PRKG1: variants seen among roughly 807,000 people sequenced by gnomAD.
The protein encoded by PRKG1 is protein kinase cGMP-dependent 1, also known as cGMP-dependent protein kinase 1.
In PRKG1, 35 loss-of-function variants were observed where a neutral mutation model predicts 88.1. That is an observed-to-expected ratio of 0.40 (90% CI 0.30 to 0.53). The LOEUF is 0.53. Ranked by LOEUF, PRKG1 falls within the 20% of genes least tolerant of loss-of-function variation. The probability of loss-of-function intolerance (pLI) is 0.59; values close to 1 mark genes in which losing one functional copy is unlikely to be tolerated. For synonymous variants in PRKG1, 303 were observed against 292.5 expected (o/e 1.04, Z -0.37); for missense variants, 540 against 839.8 (o/e 0.64, Z 4.41).
chr10:51,200,569 G>A (rs1022162018), intron 2 of PRKG1, among the ~76,000 whole-genome samples: 3 of 152,118 alleles, frequency 2.0e-5, no homozygotes, highest in Non-Finnish European at 4.4e-5. Flanking sequence ...TTGAAGGCAG[G>A]AAACAAGTCT....
chr10:51,449,874 T>A (rs1446139690), intron 2 of PRKG1, among the ~76,000 whole-genome samples: 1 of 151,732 alleles, frequency 6.6e-6, no homozygotes, highest in Non-Finnish European at 1.5e-5. Context: ...ATAGTTAGGA[T>A]TTATGAAAGA....
chr10:51,752,245 G>T lies in PRKG1; in HGVS notation c.593-52340G>T, dbSNP rs1325339054. 3.9e-5 allele frequency among the ~76,000 whole-genome samples: 6 copies of T among 152,026 alleles called. 1 individual carries two copies. Among genetic ancestry groups the T allele is most frequent in the East Asian group, 3.9e-4 (2 of 5,190 alleles). ...CTTGTGTCACTTCTCTTCTATGTTG[G>T]ATCATTATTTGTTGCTTTTCTCATT... On this transcript the variant is annotated intron_variant, in intron 3 of 17. Coordinates refer to ENST00000373980, the MANE Select transcript of PRKG1 (RefSeq NM_006258.4).
In PRKG1 at chr10:51,174,208, AT is replaced by A. The variant is rs990000952; in HGVS notation, c.478+20880del. ...CACTATAAGAATATATATTTTTTCAATTAAGAAAAGAATAAGCCTTTGTTAT... is the reference window on the plus strand; with the variant it reads ...CACTATAAGAATATATATTTTTTCAATAAGAAAAGAATAAGCCTTTGTTAT... On this transcript the variant is annotated intron_variant, in intron 2 of 17. Coordinates refer to ENST00000373980, the MANE Select transcript of PRKG1 (RefSeq NM_006258.4). 4.1e-4 allele frequency among the ~76,000 whole-genome samples: 63 copies of A among 151,920 alleles called. 3 individuals are homozygous for A. The highest frequency in any genetic ancestry group is 1.5e-5 in the Non-Finnish European group (1 of 67,834).
rs112864669 is a variant in PRKG1, at chr10:51,580,870, T to C, written c.592+113034T>C. Among the ~76,000 whole-genome samples, 963 of 151,988 alleles carry C rather than the reference T, an allele frequency of 6.3e-3. 11 individuals are homozygous for C. Among genetic ancestry groups the C allele is most frequent in the African/African-American group, 0.021 (889 of 41,474 alleles). On this transcript the variant is annotated intron_variant, in intron 3 of 17. Coordinates refer to ENST00000373980, the MANE Select transcript of PRKG1 (RefSeq NM_006258.4). ...ATCACCTACTTGACACCAAGCGGGG[T>C]GGTCTCCTACTTCCTTAGTATTTAT...
chr10:51,813,355 A>G (rs1237372116), intron 4 of PRKG1, among the ~76,000 whole-genome samples: 1 of 152,228 alleles, frequency 6.6e-6, no homozygotes, highest in Non-Finnish European at 1.5e-5. Context: ...CCAACCTAAT[A>G]TAATCGTAGG....
chr10:52,278,902 CAAAA>C (rs57491396), intron 12 of PRKG1, among the ~76,000 whole-genome samples: 2 of 86,672 alleles, frequency 2.3e-5, no homozygotes, highest in African/African-American at 4.0e-5. Context: ...GACTCCATCT[CAAAA>C]AAAAAAAAAA....
intron 3 of PRKG1, among the ~76,000 whole-genome samples, chr10:51,767,722 C>T (rs76474723): frequency 0.018 from 2,799 of 152,148 alleles, 71 homozygotes; most frequent in African/African-American, 0.062. Context: ...TAGATGATCT[C>T]ACAAATCAGT....
intron 7 of PRKG1, among the ~76,000 whole-genome samples, chr10:52,104,732 A>G (rs987629118): frequency 5.3e-5 from 8 of 152,218 alleles, no homozygotes; most frequent in African/African-American, 1.9e-4. Flanking sequence ...CTATTTCTTT[A>G]TGAACTAAGA....
At position 51,897,406 on chromosome 10, in the gene PRKG1, A is replaced by G. The variant is rs532926233; in HGVS notation, c.699-10101A>G. ...TCCATATGCTTCCCAGAGATAATTAATATAACTCTGTATGCTTCTTCCTAG... is the reference window on the plus strand; with the variant it reads ...TCCATATGCTTCCCAGAGATAATTAGTATAACTCTGTATGCTTCTTCCTAG... On this transcript the variant is annotated intron_variant, in intron 4 of 17. Transcript: ENST00000373980. Among the ~76,000 whole-genome samples, 75 of 152,294 alleles carry G rather than the reference A, an allele frequency of 4.9e-4. 1 individual carries two copies. The highest frequency in any genetic ancestry group is 1.2e-3 in the South Asian group (6 of 4,820).
intron 9 of PRKG1, among the ~76,000 whole-genome samples, chr10:52,168,319 T>C (rs183740039): frequency 6.6e-6 from 1 of 152,242 alleles, no homozygotes; most frequent in African/African-American, 2.4e-5. Flanking sequence ...CAAGGAGGTA[T>C]GGAGAGCATT....
intron 9 of PRKG1, among the ~76,000 whole-genome samples, chr10:52,229,431 A>G (rs1330425467): frequency 2.0e-5 from 3 of 152,200 alleles, no homozygotes; most frequent in Non-Finnish European, 1.5e-5. Flanking sequence ...CCATTTCCCA[A>G]TGAACCACCC....
rs766601774 is a variant in PRKG1, at chr10:52,293,937, A to G, written c.*37A>G. The G allele has an allele frequency of 2.5e-5, 39 of 1,541,376 alleles. 1 individual carries two copies. The South Asian group carries it at 4.3e-4, about 17-fold the overall frequency. Reference sequence around the variant, plus strand: ...TACCTGCTTCTGCCTTGCTGAAGACAGCTTTTTCTGAGACACAGCTGCCAG... The same window carrying G: ...TACCTGCTTCTGCCTTGCTGAAGACGGCTTTTTCTGAGACACAGCTGCCAG... On this transcript the variant is annotated 3_prime_UTR_variant, in exon 18 of 18. Transcript: ENST00000373980.
At chr10:51,666,764 C>T (rs889258690) in intron 3 of PRKG1, among the ~76,000 whole-genome samples, 2 of 151,986 alleles carry the variant, frequency 1.3e-5, no homozygotes, top group African/African-American at 4.8e-5. Context: ...TTCAGTAGAA[C>T]TCTTGTAAAA....
intron 2 of PRKG1, among the ~76,000 whole-genome samples, chr10:51,318,173 T>C (rs1841369646): frequency 1.3e-5 from 2 of 152,190 alleles, no homozygotes; most frequent in Admixed American, 6.5e-5. Flanking sequence ...GACTGTGGCA[T>C]GGTAGGCATT....
intron 2 of PRKG1, among the ~76,000 whole-genome samples, chr10:51,164,142 A>AC (rs930883848): frequency 6.6e-6 from 1 of 151,852 alleles, no homozygotes; most frequent in Non-Finnish European, 1.5e-5. Context: ...ACTGGGAGGC[A>AC]CCCCCCAGTA....
chr10:51,246,444 C>G (rs930419471), intron 2 of PRKG1, among the ~76,000 whole-genome samples: 1 of 151,926 alleles, frequency 6.6e-6, no homozygotes, highest in African/African-American at 2.4e-5. Flanking sequence ...TATTGGAACA[C>G]AGGCCTATTT....
chr10:51,361,155 T>C (rs530559557), intron 2 of PRKG1, among the ~76,000 whole-genome samples: 17 of 151,994 alleles, frequency 1.1e-4, no homozygotes, highest in African/African-American at 4.1e-4. Context: ...GTATATGATG[T>C]CCAAGACAAA....
intron 2 of PRKG1, among the ~76,000 whole-genome samples, chr10:51,383,400 G>A (rs1165216165): frequency 6.6e-6 from 1 of 152,152 alleles, no homozygotes; most frequent in Non-Finnish European, 1.5e-5. Flanking sequence ...GTACTTTACT[G>A]TGTCAGGCAG....
chr10:51,241,210 T>C (rs370227697), intron 2 of PRKG1, among the ~76,000 whole-genome samples: 1 of 151,956 alleles, frequency 6.6e-6, no homozygotes, highest in East Asian at 1.9e-4. Flanking sequence ...ATGATGTTGT[T>C]CATTCATAGG....
Sources: allele counts gnomAD v4.1 joint callset (sites outside exome capture counted in the v4.1 genomes callset), GRCh38; gene constraint gnomAD v4.1.1; transcripts MANE v1.5; gene names NCBI Gene and HGNC (gene_info 2026-07-23, HGNC 2026-07-21).